PEX5: variants seen among roughly 807,000 people sequenced by gnomAD.
PEX5 encodes peroxisomal biogenesis factor 5, also known as PTS1 receptor.
Under a neutral mutation model 82.9 loss-of-function variants are expected in PEX5, and 52 were observed. That is an observed-to-expected ratio of 0.63 (90% CI 0.50 to 0.79). The LOEUF is 0.79. Ranked by LOEUF, PEX5 falls within the 30% of genes least tolerant of loss-of-function variation. The pLI is 0.00. For synonymous variants in PEX5, 300 were observed against 318.8 expected (o/e 0.94, Z 0.63); for missense variants, 719 against 815.2 (o/e 0.88, Z 1.44).
At position 7,191,869 on chromosome 12, in the gene PEX5, A is replaced by G. The variant is rs114296508; in HGVS notation, c.448+169A>G. ...CTTAGGTGATAACGGAATGTAATGT[A>G]TATTAAAGAGAGGACTGGGTTTGTA... On this transcript the variant is annotated intron_variant, in intron 5 of 15. Transcript: ENST00000675855. 5.5e-3 allele frequency among the ~76,000 whole-genome samples: 837 copies of G among 152,352 alleles called. 11 individuals carry two copies. The highest frequency in any genetic ancestry group is 0.019 in the African/African-American group (789 of 41,580).
At chr12:7,191,414 G>A (rs764173752) in intron 4 of PEX5, 56 bp downstream of exon 4, 435 of 1,612,302 alleles carry the variant, frequency 2.7e-4, no homozygotes, top group Non-Finnish European at 3.5e-4. Flanking sequence ...CAGGGCCAAG[G>A]AAGGGGGTTC....
At chr12:7,189,591 C>T (rs1940483219), upstream of PEX5, 2 of 263,266 alleles carry the variant, frequency 7.6e-6, no homozygotes, top group Admixed American at 5.4e-5. Context: ...AGTCTTAAGG[C>T]CCCGCCTTTT....
chr12:7,194,560 C>T (rs1477980959), intron 5 of PEX5, among the ~76,000 whole-genome samples: 3 of 152,124 alleles, frequency 2.0e-5, no homozygotes, highest in East Asian at 1.9e-4. Flanking sequence ...ACTATTCTCT[C>T]ACCACATGAA....
intron 9 of PEX5, among the ~76,000 whole-genome samples, chr12:7,202,985 C>G (rs1206305348): frequency 6.6e-6 from 1 of 151,908 alleles, no homozygotes; most frequent in Non-Finnish European, 1.5e-5. Context: ...GGAGAAACCC[C>G]ATGTCTCTAC....
downstream of PEX5, among the ~76,000 whole-genome samples, chr12:7,212,554 A>G (rs1395895229): frequency 6.6e-6 from 1 of 151,906 alleles, no homozygotes; most frequent in African/African-American, 2.4e-5. Flanking sequence ...ACAGTGAAAT[A>G]TAGCTATTGC....
chr12:7,208,033 C>G lies in PEX5; in HGVS notation c.1134C>G (p.Thr378=), dbSNP rs142895892. ...HMEAWQYLGT[T]QAENEQELLA... ...AGGCTTGGCAGTATCTGGGTACCAC[C>G]CAGGCAGAGAATGAACAAGAACTAT... The change falls in exon 12 of 16, where the codon ACC becomes ACG. Residue 378 remains threonine (T), a synonymous_variant. Coordinates refer to ENST00000675855, the MANE Select transcript of PEX5 (RefSeq NM_001351132.2). The G allele has an allele frequency of 1.9e-6, 3 of 1,613,840 alleles. No individual in the cohort carries two copies. The East Asian group carries it at 6.7e-5, about 36-fold the overall frequency.
rs144901507 is a variant in PEX5 at position 7,208,567 on chromosome 12, G to A, written c.1292G>A (p.Arg431Gln). The change falls in exon 13 of 16, where the codon CGG (arginine) becomes CAG (glutamine). Residue 431 changes from arginine to glutamine, a missense_variant. Coordinates refer to ENST00000675855, the MANE Select transcript of PEX5 (RefSeq NM_001351132.2). ...TGTGAAACCCTACGAGACTGGCTGC[G>A]GTACACACCAGCCTATGCCCATCTG... ...QACETLRDWLRYTPAYAHLVT... is the reference protein window; with the variant it reads ...QACETLRDWLQYTPAYAHLVT... 1.3e-5 allele frequency: 21 copies of A among 1,613,578 alleles called. No individual in the cohort carries two copies. The Admixed American group carries it at 1.8e-4, about 14-fold the overall frequency.
At chr12:7,191,745 G>A in intron 5 of PEX5, 45 bp downstream of exon 5, 1 of 1,566,524 alleles carries the variant, frequency 6.4e-7, no homozygotes, top group Non-Finnish European at 8.8e-7. Context: ...CTATGGGACA[G>A]AATTCTATAC....
chr12:7,215,984 T>C (rs1324596307), downstream of PEX5, among the ~76,000 whole-genome samples: 1 of 152,154 alleles, frequency 6.6e-6, no homozygotes, highest in East Asian at 1.9e-4. Context: ...AATTTTTTTT[T>C]GAGATGGAGT....
chr12:7,201,323 A>C (rs899059550), intron 6 of PEX5, among the ~76,000 whole-genome samples: 1 of 26,362 alleles, frequency 3.8e-5, no homozygotes, highest in African/African-American at 7.8e-5. Context: ...ATGTATATAC[A>C]TACACACATA....
chr12:7,191,389 C>G (rs941958985), intron 4 of PEX5, 31 bp downstream of exon 4: 12 of 1,613,962 alleles, frequency 7.4e-6, no homozygotes, highest in Non-Finnish European at 8.5e-6. Flanking sequence ...GAGGGGAGAT[C>G]GTTTTCCATG....
chr12:7,195,495 A>C (rs1210005680), intron 5 of PEX5, among the ~76,000 whole-genome samples: 1 of 152,114 alleles, frequency 6.6e-6, no homozygotes, highest in Non-Finnish European at 1.5e-5. Flanking sequence ...CTACCAAATT[A>C]TAGGTATTTG....
rs1277519663 is a variant in PEX5 at position 7,197,404 on chromosome 12, CAT to C, written c.449-1603_449-1602del. On this transcript the variant is annotated intron_variant, in intron 5 of 15. Transcript: ENST00000675855. Reference sequence around the variant, plus strand: ...TACAATGTAATAATTATATATATGTCATATACAATGTAATTATATGTCATATA... The same window carrying C: ...TACAATGTAATAATTATATATATGTCATACAATGTAATTATATGTCATATA... Among the ~76,000 whole-genome samples the C allele has an allele frequency of 1.3e-4, 10 of 77,856 alleles. 3 individuals carry two copies. The highest frequency in any genetic ancestry group is 8.2e-4 in the East Asian group (3 of 3,642). The allele number at this position is 77,856 out of a possible 152,430, so 51.1% of individuals were successfully genotyped here.
At chr12:7,206,603 C>T (rs529348730) in intron 10 of PEX5, among the ~76,000 whole-genome samples, 10 of 152,256 alleles carry the variant, frequency 6.6e-5, no homozygotes, top group Middle Eastern at 3.4e-3. Flanking sequence ...TCTTCTTAAA[C>T]CCCCCATTGT....
At position 7,209,875 on chromosome 12, in the gene PEX5, T is replaced by G. The variant is rs866926197; in HGVS notation, c.1718+35T>G. The G allele has an allele frequency of 3.1e-6, 5 of 1,612,858 alleles. No individual in the cohort carries two copies. The Middle Eastern group carries it at 6.6e-4, about 213-fold the overall frequency. On this transcript the variant is annotated intron_variant, in intron 15 of 15. Coordinates refer to ENST00000675855, the MANE Select transcript of PEX5 (RefSeq NM_001351132.2). ...TCTATTGAGAAATGAATGAATGAGC[T>G]TTTTCTCCCTGCCTTTGGCCCTAGC...
intron 5 of PEX5, among the ~76,000 whole-genome samples, chr12:7,196,159 AATGT>A (rs1942076651): frequency 6.9e-6 from 1 of 144,084 alleles, no homozygotes; most frequent in Non-Finnish European, 1.5e-5. Flanking sequence ...TGTTACATAT[AATGT>A]ATTTATTACA....
At chr12:7,203,181 A>ATGCAC (rs752693758) in intron 9 of PEX5, among the ~76,000 whole-genome samples, 1,873 of 82,664 alleles carry the variant, frequency 0.023, 388 homozygotes, top group African/African-American at 0.03. Context: ...AAACTAAACT[A>ATGCAC]TGCACTGCAC....
intron 6 of PEX5, among the ~76,000 whole-genome samples, chr12:7,201,293 A>C (rs939532050): frequency 1.0e-5 from 1 of 97,932 alleles, no homozygotes; most frequent in Non-Finnish European, 2.4e-5. Context: ...ACATACATGT[A>C]TACACACATA....
Position 7,210,003 on chromosome 12 carries a change from T to C in PEX5, c.1719-19T>C. 1 of 1,613,578 alleles carries C rather than the reference T, an allele frequency of 6.2e-7. No individual in the cohort carries two copies. Among genetic ancestry groups the C allele is most frequent in the Non-Finnish European group, 8.5e-7 (1 of 1,179,542 alleles). On this transcript the variant is annotated intron_variant, in intron 15 of 15. Transcript: ENST00000675855. The stretch of plus-strand genomic sequence containing the variant: ...TTGTTGTTCAGCTTAACAGCTCTCA[T>C]TCCTCTTCTTCCTTACAGGGAGGCT...
Sources: gnomAD v4.1 joint callset for allele counts (sites outside exome capture counted in the v4.1 genomes callset) on GRCh38, gnomAD v4.1.1 for gene constraint, MANE v1.5 for transcripts, NCBI Gene and HGNC (gene_info 2026-07-23, HGNC 2026-07-21) for gene names.